Variants in KSR2 observed in about 807,000 individuals in gnomAD.
KSR2 encodes kinase suppressor of ras 2.
KSR2 carries 25 observed loss-of-function variants against 107.8 expected under a neutral mutation model. The observed-to-expected ratio is 0.23, with a 90% CI of 0.17 to 0.32. The LOEUF (loss-of-function observed/expected upper bound fraction) is 0.32. KSR2 is among the 10% of genes least tolerant of loss of function. KSR2 has a pLI of 1.00. For synonymous variants in KSR2, 480 were observed against 507.0 expected (o/e 0.95, Z 0.71); for missense variants, 887 against 1,268.9 (o/e 0.70, Z 4.57).
chr12:117,790,622 G>C (rs1050963731), intron 3 of KSR2, among the ~76,000 whole-genome samples: 7 of 152,000 alleles, frequency 4.6e-5, no homozygotes, highest in Non-Finnish European at 1.0e-4. Context: ...AACAAACTGT[G>C]AGAGAAGTAT....
chr12:117,825,892 T>C (rs1891725455), intron 3 of KSR2, among the ~76,000 whole-genome samples: 1 of 139,064 alleles, frequency 7.2e-6, no homozygotes, highest in East Asian at 2.2e-4. Context: ...CATGCATGCA[T>C]GCATAGATGC....
chr12:117,458,393 T>C lies in KSR2; in HGVS notation c.*8806A>G, dbSNP rs1474281740. ...CAGGGTATTTTTAAACTAGAAGAAC[T>C]AGCCAAGCTGGTTTTTTTTTTTTAA... On this transcript the variant is annotated 3_prime_UTR_variant, in exon 20 of 20. Coordinates refer to ENST00000339824, the MANE Select transcript of KSR2 (RefSeq NM_173598.6). The C allele has an allele frequency of 2.1e-5, 3 of 140,368 alleles. No homozygotes were observed. The highest frequency in any genetic ancestry group is 7.1e-5 in the Admixed American group (1 of 14,090). 8.7% of individuals were successfully genotyped at this position (140,368 alleles called of 1,614,324 possible).
chr12:117,514,097 C>T (rs561612854), intron 14 of KSR2, among the ~76,000 whole-genome samples: 3 of 152,332 alleles, frequency 2.0e-5, no homozygotes, highest in South Asian at 2.1e-4. Flanking sequence ...GGTAAGGGCC[C>T]GATGTTGCCC....
At chr12:117,586,513 G>C (rs1212467070) in intron 5 of KSR2, among the ~76,000 whole-genome samples, 1 of 151,196 alleles carries the variant, frequency 6.6e-6, no homozygotes. Context: ...CTTGAACCTG[G>C]GAGGCAGAGG....
At chr12:117,760,990 G>T (rs1164402904) in intron 4 of KSR2, 21 bp downstream of exon 4, 1 of 1,612,320 alleles carries the variant, frequency 6.2e-7, no homozygotes, top group South Asian at 1.1e-5. Flanking sequence ...CCGCCCCAGG[G>T]CACCCACCGA....
Position 117,808,748 on chromosome 12 carries a change from ATGAAAC to A in KSR2, c.472+46674_472+46679del, listed in dbSNP as rs1419988151. On this transcript the variant is annotated intron_variant, in intron 3 of 19. Coordinates refer to ENST00000339824, the MANE Select transcript of KSR2 (RefSeq NM_173598.6). ...TGGTGAATTCGTTGCCATCCTTCCA[ATGAAAC>A]CTGCTCATTCCCACTCTGGCTAGCT... is the stretch of plus-strand genomic sequence containing the variant. 7.7e-3 allele frequency among the ~76,000 whole-genome samples: 1,177 copies of A among 152,150 alleles called. 79 individuals are homozygous for A. In the East Asian group the frequency reaches 0.18, roughly 23 times the overall value.
At chr12:117,793,329 GCA>G (rs1328570370) in intron 3 of KSR2, among the ~76,000 whole-genome samples, 1 of 124,610 alleles carries the variant, frequency 8.0e-6, no homozygotes, top group Non-Finnish European at 1.6e-5. Context: ...ACACCAACAT[GCA>G]CACATACACA....
chr12:117,590,498 A>G (rs1224934231), intron 5 of KSR2, among the ~76,000 whole-genome samples: 1 of 152,212 alleles, frequency 6.6e-6, no homozygotes, highest in Non-Finnish European at 1.5e-5. Flanking sequence ...AGGAGGATTA[A>G]GTGGGGTGAT....
intron 5 of KSR2, among the ~76,000 whole-genome samples, chr12:117,606,467 T>G (rs1260249723): frequency 1.1e-5 from 1 of 90,942 alleles, no homozygotes; most frequent in African/African-American, 5.2e-5. Flanking sequence ...CTCCCCTCCT[T>G]CCTCCCTCCC....
At chr12:117,564,275 A>G (rs1878315823) in intron 7 of KSR2, among the ~76,000 whole-genome samples, 1 of 152,188 alleles carries the variant, frequency 6.6e-6, no homozygotes, top group South Asian at 2.1e-4. Context: ...GGAAGGTCCT[A>G]TATGGTTCCA....
At chr12:117,856,786 T>C (rs1407920733) in intron 2 of KSR2, among the ~76,000 whole-genome samples, 2 of 152,176 alleles carry the variant, frequency 1.3e-5, no homozygotes, top group African/African-American at 2.4e-5. Context: ...TAGGGCAGTA[T>C]TGCGGAATAC....
intron 1 of KSR2, among the ~76,000 whole-genome samples, chr12:117,932,018 G>A (rs938365796): frequency 6.6e-6 from 1 of 152,306 alleles, no homozygotes. Context: ...CAGGTACGGT[G>A]GCTCATGCCT....
chr12:117,578,337 C>A (rs57284411), intron 7 of KSR2, among the ~76,000 whole-genome samples: 95 of 152,146 alleles, frequency 6.2e-4, no homozygotes, highest in African/African-American at 2.1e-3. Context: ...CTCCCGCCTG[C>A]AATCCCAACA....
rs1404768673 is a variant in KSR2, at chr12:117,458,749, C to T, written c.*8450G>A. On this transcript the variant is annotated 3_prime_UTR_variant, in exon 20 of 20. Transcript: ENST00000339824. ...GGTGATTAGAGGTATTTCAAGAGCTCAGGAGTAGAGCTGGTGGTCCACTAG... is the reference window on the plus strand; with the variant it reads ...GGTGATTAGAGGTATTTCAAGAGCTTAGGAGTAGAGCTGGTGGTCCACTAG... 1 of 152,176 alleles carries T rather than the reference C, an allele frequency of 6.6e-6. No homozygotes were observed. Among genetic ancestry groups the T allele is most frequent in the East Asian group, 1.9e-4 (1 of 5,184 alleles). The allele number at this position is 152,176 out of a possible 1,614,324, so 9.4% of individuals were successfully genotyped here. A position where few individuals can be genotyped will look rare whatever the true frequency, so the allele number is the denominator to read the frequency against.
At chr12:117,724,920 GC>G (rs1314875899) in intron 4 of KSR2, among the ~76,000 whole-genome samples, 1 of 152,092 alleles carries the variant, frequency 6.6e-6, no homozygotes, top group Non-Finnish European at 1.5e-5. Context: ...AATAGACTTG[GC>G]CAATCTGTTT....
intron 1 of KSR2, among the ~76,000 whole-genome samples, chr12:117,957,773 G>A (rs201635108): frequency 2.8e-4 from 26 of 94,444 alleles, no homozygotes; most frequent in African/African-American, 6.6e-4. Flanking sequence ...ACACACACAC[G>A]CACACCTTTA....
chr12:117,847,728 C>T (rs1271342898), intron 3 of KSR2, among the ~76,000 whole-genome samples: 1 of 152,212 alleles, frequency 6.6e-6, no homozygotes, highest in Non-Finnish European at 1.5e-5. Flanking sequence ...CAGCTCCCAC[C>T]ACTCTCCCCA....
chr12:117,840,591 T>C (rs906639448), intron 3 of KSR2, among the ~76,000 whole-genome samples: 1 of 152,004 alleles, frequency 6.6e-6, no homozygotes, highest in African/African-American at 2.4e-5. Flanking sequence ...AGACAGGGTT[T>C]CACCATTTTG....
chr12:117,771,393 T>C lies in KSR2; in HGVS notation c.473-9869A>G, dbSNP rs1307408232. ...CCAATGTACATCTTACATAATCTGA[T>C]TGATGTTTCATGTCTCCCTAAAATG... is the stretch of plus-strand genomic sequence containing the variant. On this transcript the variant is annotated intron_variant, in intron 3 of 19. Transcript: ENST00000339824. 3.3e-5 allele frequency among the ~76,000 whole-genome samples: 5 copies of C among 152,198 alleles called. No individual in the cohort carries two copies. In the East Asian group the frequency reaches 7.7e-4, roughly 24 times the overall value.
Sources: gnomAD v4.1 joint callset for allele counts (sites outside exome capture counted in the v4.1 genomes callset) on GRCh38, gnomAD v4.1.1 for gene constraint, MANE v1.5 for transcripts, NCBI Gene and HGNC (gene_info 2026-07-23, HGNC 2026-07-21) for gene names.